CNTNAP2: variants seen among roughly 807,000 people sequenced by gnomAD.
The protein encoded by CNTNAP2 is contactin associated protein 2.
In CNTNAP2, 98 loss-of-function variants were observed where a neutral mutation model predicts 155.2. The observed-to-expected ratio is 0.63, with a 90% CI of 0.54 to 0.75. The LOEUF (loss-of-function observed/expected upper bound fraction) is 0.75. Among genes scored for constraint, CNTNAP2 ranks in the 30% least tolerant of loss-of-function variants. The pLI, the probability that CNTNAP2 is intolerant of heterozygous loss-of-function variation, is 0.00. For missense variants in CNTNAP2, 1,727 were observed against 1,688.1 expected, an observed-to-expected ratio of 1.02 and a Z score of -0.40; for synonymous variants, 651 against 631.2, an observed-to-expected ratio of 1.03 and a Z score of -0.47.
intron 16 of CNTNAP2, among the ~76,000 whole-genome samples, chr7:148,139,423 G>T (rs773322837): frequency 6.6e-6 from 1 of 152,222 alleles, no homozygotes; most frequent in Non-Finnish European, 1.5e-5. Context: ...CTGGATTTTA[G>T]TGTCTCTCAG....
chr7:147,538,394 G>T (rs1799584423), intron 11 of CNTNAP2, among the ~76,000 whole-genome samples: 1 of 152,198 alleles, frequency 6.6e-6, no homozygotes, highest in South Asian at 2.1e-4. Flanking sequence ...ACTCACGCCT[G>T]TAATTCCAAC....
At chr7:146,377,094 T>G (rs1381648321) in intron 1 of CNTNAP2, among the ~76,000 whole-genome samples, 2 of 152,178 alleles carry the variant, frequency 1.3e-5, no homozygotes, top group African/African-American at 2.4e-5. Context: ...ATACACACAT[T>G]GGCAATGTAA....
chr7:147,082,991 A>C (rs529165340), intron 4 of CNTNAP2: 2 of 152,150 alleles, frequency 1.3e-5, no homozygotes, highest in African/African-American at 4.8e-5. Flanking sequence ...TGTTCTTCTC[A>C]GGAATCGGCG....
chr7:146,175,575 G>A (rs1798458209), intron 1 of CNTNAP2, among the ~76,000 whole-genome samples: 1 of 152,164 alleles, frequency 6.6e-6, no homozygotes, highest in South Asian at 2.1e-4. Flanking sequence ...TTACATGATT[G>A]CCATTAATTT....
intron 9 of CNTNAP2, among the ~76,000 whole-genome samples, chr7:147,306,655 CTT>C (rs1268978260): frequency 6.6e-6 from 1 of 152,170 alleles, no homozygotes; most frequent in Non-Finnish European, 1.5e-5. Flanking sequence ...CATTTGGGTC[CTT>C]ACACATGTAA....
chr7:147,714,835 C>T (rs149394981), intron 13 of CNTNAP2, among the ~76,000 whole-genome samples: 2,515 of 152,170 alleles, frequency 0.017, 223 homozygotes, highest in Admixed American at 0.15. Flanking sequence ...TTATTTACAG[C>T]GGAATCTACA....
At chr7:147,081,153 T>G (rs1389816011) in intron 4 of CNTNAP2, 2 of 152,126 alleles carry the variant, frequency 1.3e-5, no homozygotes, top group Non-Finnish European at 2.9e-5. Context: ...CTTTGTGATT[T>G]CAGGTAGTGC....
chr7:146,672,552 G>A (rs2129168361), intron 1 of CNTNAP2, among the ~76,000 whole-genome samples: 1 of 152,234 alleles, frequency 6.6e-6, no homozygotes, highest in African/African-American at 2.4e-5. Flanking sequence ...ACACGGCAAA[G>A]TCACATCACA....
intron 18 of CNTNAP2, among the ~76,000 whole-genome samples, chr7:148,209,766 AGGAGTTACCCGTTGCTTTCTGT>A (rs1384754292): frequency 6.6e-6 from 1 of 152,178 alleles, no homozygotes; most frequent in Non-Finnish European, 1.5e-5. Context: ...AAAACCTTTC[AGGAGTTACCCGTTGCTTTCTGT>A]GTAAAAACCA....
intron 3 of CNTNAP2, among the ~76,000 whole-genome samples, chr7:147,002,244 T>C (rs1225252732): frequency 6.6e-6 from 1 of 152,026 alleles, no homozygotes; most frequent in Non-Finnish European, 1.5e-5. Flanking sequence ...TACACTCACA[T>C]AGAGACATGT....
At chr7:146,529,351 C>A (rs1797735204) in intron 1 of CNTNAP2, among the ~76,000 whole-genome samples, 1 of 152,062 alleles carries the variant, frequency 6.6e-6, no homozygotes, top group African/African-American at 2.4e-5. Flanking sequence ...ATAAAATGGT[C>A]AGTATATAAC....
chr7:146,647,213 C>G (rs567418531), intron 1 of CNTNAP2, among the ~76,000 whole-genome samples: 2 of 152,260 alleles, frequency 1.3e-5, no homozygotes, highest in South Asian at 4.1e-4. Context: ...TTGGCTCCCT[C>G]GCTGTTTGAC....
At chr7:146,583,801 A>G (rs1798647834) in intron 1 of CNTNAP2, among the ~76,000 whole-genome samples, 1 of 152,178 alleles carries the variant, frequency 6.6e-6, no homozygotes, top group Admixed American at 6.6e-5. Context: ...TATAAATGAT[A>G]TAACCCTTTG....
chr7:147,449,401 G>A (rs1797794545), intron 10 of CNTNAP2, among the ~76,000 whole-genome samples: 3 of 151,970 alleles, frequency 2.0e-5, no homozygotes, highest in Non-Finnish European at 4.4e-5. Flanking sequence ...TATCCCCGTG[G>A]GCAACCTACA....
intron 4 of CNTNAP2, among the ~76,000 whole-genome samples, chr7:147,087,926 G>A (rs1051472178): frequency 5.3e-5 from 8 of 152,064 alleles, no homozygotes; most frequent in Non-Finnish European, 1.0e-4. Flanking sequence ...GCAGTAGGCC[G>A]AGATTGTGCC....
At chr7:148,239,749 G>A (rs1249063847) in intron 20 of CNTNAP2, among the ~76,000 whole-genome samples, 1 of 152,136 alleles carries the variant, frequency 6.6e-6, no homozygotes, top group African/African-American at 2.4e-5. Context: ...AAACCAGCTT[G>A]AAGTTTTAAA....
At chr7:146,259,362 C>T (rs1211575531) in intron 1 of CNTNAP2, among the ~76,000 whole-genome samples, 1 of 152,010 alleles carries the variant, frequency 6.6e-6, no homozygotes, top group Non-Finnish European at 1.5e-5. Context: ...GAGATTGGAA[C>T]AGTTTGGAGG....
intron 12 of CNTNAP2, among the ~76,000 whole-genome samples, chr7:147,573,206 C>T (rs1373446447): frequency 6.6e-6 from 1 of 152,112 alleles, no homozygotes; most frequent in African/African-American, 2.4e-5. Flanking sequence ...GAAAATACAA[C>T]TTTGGGAAAA....
At chr7:146,984,578 C>G (rs1798083011) in intron 3 of CNTNAP2, among the ~76,000 whole-genome samples, 1 of 151,852 alleles carries the variant, frequency 6.6e-6, no homozygotes, top group African/African-American at 2.4e-5. Flanking sequence ...GCTAATGTGT[C>G]CTGTCATTGA....
Sources: gnomAD v4.1 joint callset for allele counts (sites outside exome capture counted in the v4.1 genomes callset) on GRCh38, gnomAD v4.1.1 for gene constraint, MANE v1.5 for transcripts, NCBI Gene and HGNC (gene_info 2026-07-23, HGNC 2026-07-21) for gene names.